The following SLC25A21 variants were observed in gnomAD, a reference collection of about 807,000 sequenced individuals.
SLC25A21 encodes solute carrier family 25 member 21, also known as mitochondrial 2-oxodicarboxylate carrier.
SLC25A21 carries 47 observed loss-of-function variants against 43.8 expected under a neutral mutation model. The ratio of observed to expected loss-of-function variants is 1.07; its 90% CI spans 0.85 to 1.37. The LOEUF (loss-of-function observed/expected upper bound fraction) is 1.37. Ranked by LOEUF, SLC25A21 falls within the 40% of genes most tolerant of loss-of-function variation. SLC25A21 has a pLI of 0.00. For synonymous variants in SLC25A21, 131 were observed against 121.3 expected (o/e 1.08, Z -0.52); for missense variants, 352 against 350.2 (o/e 1.00, Z -0.04).
chr14:37,053,924 A>G (rs1221424852), intron 1 of SLC25A21, among the ~76,000 whole-genome samples: 1 of 152,198 alleles, frequency 6.6e-6, no homozygotes, highest in Admixed American at 6.5e-5. Context: ...ATACTTTTTT[A>G]AAAACTGGTT....
intron 1 of SLC25A21, among the ~76,000 whole-genome samples, chr14:36,977,784 G>C (rs1423316603): frequency 6.6e-6 from 1 of 152,094 alleles, no homozygotes; most frequent in Admixed American, 6.6e-5. Flanking sequence ...AGCTGAAAAA[G>C]ATTTTATATC....
intron 2 of SLC25A21, among the ~76,000 whole-genome samples, chr14:36,845,397 A>C (rs1889510329): frequency 6.6e-6 from 1 of 152,252 alleles, no homozygotes. Flanking sequence ...TTCATGCACA[A>C]TGCACACTTT....
Position 36,940,234 on chromosome 14 carries a change from GA to G in SLC25A21, c.71-65231del, listed in dbSNP as rs537906484. ...ACTAAGCTAGTTTGGAGTTGAAAAG[GA>G]AGAAAAATGTGTTTGAAACCACTGA... On this transcript the variant is annotated intron_variant, in intron 1 of 9. Transcript: ENST00000331299. Among the ~76,000 whole-genome samples the G allele has an allele frequency of 5.1e-3, 777 of 152,050 alleles. 8 individuals are homozygous for G. Among genetic ancestry groups the G allele is most frequent in the African/African-American group, 0.018 (730 of 41,508 alleles).
chr14:37,150,589 C>CACACTTCT (rs1963742418), intron 1 of SLC25A21, among the ~76,000 whole-genome samples: 1 of 152,174 alleles, frequency 6.6e-6, no homozygotes, highest in Admixed American at 6.5e-5. Flanking sequence ...CAGAAGTTAA[C>CACACTTCT]ACACTTCTAG....
intron 1 of SLC25A21, among the ~76,000 whole-genome samples, chr14:37,038,361 C>A (rs976273918): frequency 1.3e-5 from 2 of 152,104 alleles, no homozygotes; most frequent in Non-Finnish European, 2.9e-5. Flanking sequence ...TGTCTTTCTG[C>A]CTCTAGCCTC....
chr14:36,805,765 T>C (rs1449794609), intron 3 of SLC25A21, among the ~76,000 whole-genome samples: 1 of 152,220 alleles, frequency 6.6e-6, no homozygotes, highest in East Asian at 1.9e-4. Flanking sequence ...CTACATAGCA[T>C]AATGTTTCTG....
intron 1 of SLC25A21, among the ~76,000 whole-genome samples, chr14:36,947,914 T>C (rs183688366): frequency 2.6e-5 from 4 of 152,322 alleles, no homozygotes; most frequent in Admixed American, 2.0e-4. Flanking sequence ...CTAAATGATA[T>C]GTATGTGGAA....
At chr14:37,138,154 A>C (rs1025552849) in intron 1 of SLC25A21, among the ~76,000 whole-genome samples, 1 of 152,102 alleles carries the variant, frequency 6.6e-6, no homozygotes, top group Non-Finnish European at 1.5e-5. Context: ...ACCCCTAAAC[A>C]CGCATTTATT....
rs759050826 is a variant in SLC25A21, at chr14:36,764,036, A to AAAAGAAAGAAAGAAAGAAAG, written c.204-29483_204-29464dup. On this transcript the variant is annotated intron_variant, in intron 3 of 9. Coordinates refer to ENST00000331299, the MANE Select transcript of SLC25A21 (RefSeq NM_030631.4). ...AGAGCAAGACTCTGTGAAAGAAAGA[A>AAAAGAAAGAAAGAAAGAAAG]AAAGAAAGAAAGAAAGAAAGAAAGA... Among the ~76,000 whole-genome samples the AAAAGAAAGAAAGAAAGAAAG allele has an allele frequency of 5.0e-3, 128 of 25,648 alleles. 15 individuals carry two copies. The highest frequency in any genetic ancestry group is 8.0e-3 in the East Asian group (3 of 374). The allele number at this position is 25,648 out of a possible 152,430, so 16.8% of individuals were successfully genotyped here.
intron 3 of SLC25A21, among the ~76,000 whole-genome samples, chr14:36,737,675 G>A (rs374514466): frequency 1.7e-3 from 254 of 152,254 alleles, no homozygotes; most frequent in African/African-American, 5.9e-3. Context: ...AAACACATTC[G>A]TATAATATGA....
At chr14:37,021,503 C>T (rs549289872) in intron 1 of SLC25A21, among the ~76,000 whole-genome samples, 99 of 152,042 alleles carry the variant, frequency 6.5e-4, no homozygotes, top group African/African-American at 2.4e-3. Flanking sequence ...TCCTCTTCCC[C>T]TCCTCTATTT....
intron 1 of SLC25A21, among the ~76,000 whole-genome samples, chr14:37,130,079 T>G (rs1439096009): frequency 9.8e-6 from 1 of 102,132 alleles, no homozygotes; most frequent in Admixed American, 1.2e-4. Flanking sequence ...AGTGAGACCC[T>G]GTCTCTACAA....
intron 3 of SLC25A21, among the ~76,000 whole-genome samples, chr14:36,768,933 C>CAAA (rs3061623): frequency 0.055 from 6,973 of 125,822 alleles, 320 homozygotes; most frequent in African/African-American, 0.13. Flanking sequence ...CTGTCTCTAC[C>CAAA]AAAAAAAAAA....
At chr14:36,926,687 T>C (rs861926) in intron 1 of SLC25A21, among the ~76,000 whole-genome samples, 102,709 of 152,010 alleles carry the variant, frequency 0.68, 35,224 homozygotes, top group Admixed American at 0.71. Context: ...AACTCTGAAT[T>C]CCACAGTAGT....
chr14:36,883,936 A>G (rs1427263262), intron 1 of SLC25A21, among the ~76,000 whole-genome samples: 7 of 152,214 alleles, frequency 4.6e-5, no homozygotes, highest in Non-Finnish European at 8.8e-5. Context: ...GATTGAGTCA[A>G]GCTAATGAAC....
At chr14:37,032,271 C>A (rs183864402) in intron 1 of SLC25A21, among the ~76,000 whole-genome samples, 1 of 152,096 alleles carries the variant, frequency 6.6e-6, no homozygotes, top group Non-Finnish European at 1.5e-5. Flanking sequence ...CGCGGTGGCT[C>A]ACGCTTGTAA....
chr14:36,716,179 T>C (rs1298696710), intron 6 of SLC25A21, among the ~76,000 whole-genome samples: 2 of 152,124 alleles, frequency 1.3e-5, no homozygotes, highest in African/African-American at 2.4e-5. Context: ...TGATCACTTA[T>C]ATGTAGAATC....
At chr14:36,707,354 T>C (rs1355915367) in intron 7 of SLC25A21, among the ~76,000 whole-genome samples, 1 of 152,220 alleles carries the variant, frequency 6.6e-6, no homozygotes, top group African/African-American at 2.4e-5. Context: ...CTTCTCATTA[T>C]TGCATCTCCT....
chr14:36,721,375 T>C (rs569330441), intron 6 of SLC25A21, among the ~76,000 whole-genome samples: 1 of 152,300 alleles, frequency 6.6e-6, no homozygotes, highest in African/African-American at 2.4e-5. Flanking sequence ...TGTGAGGCTG[T>C]CACATAGTCA....
Sources: gnomAD v4.1 joint callset for allele counts (sites outside exome capture counted in the v4.1 genomes callset) on GRCh38, gnomAD v4.1.1 for gene constraint, MANE v1.5 for transcripts, NCBI Gene and HGNC (gene_info 2026-07-23, HGNC 2026-07-21) for gene names.